SYN3: variants seen among roughly 807,000 people sequenced by gnomAD.
SYN3 encodes the protein synapsin III.
A neutral mutation model predicts 65.8 loss-of-function variants in SYN3; 35 were observed. That is an observed-to-expected ratio of 0.53 (90% CI 0.41 to 0.70). SYN3 has a LOEUF of 0.70. Ranked by LOEUF, SYN3 falls within the 30% of genes least tolerant of loss-of-function variation. SYN3 has a pLI of 0.00. For synonymous variants in SYN3, 270 were observed against 292.9 expected (o/e 0.92, Z 0.80); for missense variants, 680 against 749.0 (o/e 0.91, Z 1.08).
chr22:32,988,033 G>A (rs544061335), intron 2 of SYN3, among the ~76,000 whole-genome samples: 1 of 150,820 alleles, frequency 6.6e-6, no homozygotes, highest in South Asian at 2.1e-4. Context: ...CTGAGGCCGG[G>A]AACAGTGGCT....
At chr22:32,555,935 G>C (rs1056952200) in intron 7 of SYN3, among the ~76,000 whole-genome samples, 7 of 152,154 alleles carry the variant, frequency 4.6e-5, no homozygotes, top group Admixed American at 2.0e-4. Context: ...ACAGGATTAA[G>C]TACAAGTTCT....
chr22:32,617,390 T>C (rs964965025), intron 6 of SYN3, among the ~76,000 whole-genome samples: 2 of 151,796 alleles, frequency 1.3e-5, no homozygotes. Flanking sequence ...GTCCTGGAAC[T>C]GGGCAATGGG....
intron 4 of SYN3, among the ~76,000 whole-genome samples, chr22:32,886,443 C>T (rs1230283032): frequency 6.6e-6 from 1 of 152,138 alleles, no homozygotes; most frequent in African/African-American, 2.4e-5. Context: ...AGCTGTGCGA[C>T]TCTGGACACG....
intron 6 of SYN3, among the ~76,000 whole-genome samples, chr22:32,695,887 T>C (rs186262686): frequency 1.6e-4 from 24 of 152,332 alleles, no homozygotes; most frequent in Non-Finnish European, 2.8e-4. Context: ...TAGGGATCTT[T>C]TATCTTACTT....
At position 32,683,494 on chromosome 22, in the gene SYN3, A is replaced by G. The variant is rs1415896781; in HGVS notation, c.712-86758T>C. ...GGTGGTTTAAAAACAGCAGAAATGT[A>G]TTCTCGCAGTTCTGGAGGCTGGAAG... On this transcript the variant is annotated intron_variant, in intron 6 of 13. Transcript: ENST00000358763. Among the ~76,000 whole-genome samples the G allele has an allele frequency of 6.6e-5, 10 of 152,262 alleles. No homozygotes were observed. In the South Asian group the frequency reaches 1.5e-3, roughly 22 times the overall value.
At chr22:32,791,083 C>T (rs1433220632) in intron 6 of SYN3, among the ~76,000 whole-genome samples, 1 of 152,302 alleles carries the variant, frequency 6.6e-6, no homozygotes, top group Non-Finnish European at 1.5e-5. Flanking sequence ...CATTACTAAA[C>T]GTCTCTGTGC....
chr22:32,798,245 C>T (rs180995372), intron 6 of SYN3, among the ~76,000 whole-genome samples: 2 of 152,096 alleles, frequency 1.3e-5, no homozygotes, highest in Admixed American at 1.3e-4. Flanking sequence ...GTGGGCTGGG[C>T]ACTGTACAAA....
intron 6 of SYN3, among the ~76,000 whole-genome samples, chr22:32,734,345 A>AG (rs2061309473): frequency 6.6e-6 from 1 of 152,174 alleles, no homozygotes; most frequent in Non-Finnish European, 1.5e-5. Context: ...CTCCAGGTGC[A>AG]GGGGGGAGAG....
intron 7 of SYN3, among the ~76,000 whole-genome samples, chr22:32,554,533 C>G (rs1601622131): frequency 6.6e-6 from 1 of 152,174 alleles, no homozygotes; most frequent in Admixed American, 6.5e-5. Context: ...AATGCAAGCT[C>G]TCTGTCCTTA....
At chr22:32,981,461 T>G in intron 2 of SYN3, among the ~76,000 whole-genome samples, 1 of 151,736 alleles carries the variant, frequency 6.6e-6, no homozygotes, top group Non-Finnish European at 1.5e-5. Context: ...GGCACATGCA[T>G]GTAATCACAG....
chr22:32,865,921 A>C (rs1023655596), intron 5 of SYN3, among the ~76,000 whole-genome samples: 3 of 152,048 alleles, frequency 2.0e-5, no homozygotes, highest in African/African-American at 7.2e-5. Flanking sequence ...GACATAAGAG[A>C]AGGAGAAAGG....
chr22:32,653,358 C>T (rs528393410), intron 6 of SYN3, among the ~76,000 whole-genome samples: 1 of 152,052 alleles, frequency 6.6e-6, no homozygotes, highest in East Asian at 1.9e-4. Context: ...ATATCCCTAT[C>T]AGTTATTTTC....
chr22:32,559,225 A>G (rs918416090), intron 7 of SYN3, among the ~76,000 whole-genome samples: 1 of 152,336 alleles, frequency 6.6e-6, no homozygotes, highest in East Asian at 1.9e-4. Flanking sequence ...TAAAGCCCAG[A>G]CATTCATTCA....
intron 4 of SYN3, among the ~76,000 whole-genome samples, chr22:32,894,742 T>G (rs754540423): frequency 6.6e-6 from 1 of 152,200 alleles, no homozygotes; most frequent in Non-Finnish European, 1.5e-5. Flanking sequence ...TGGATGAGAT[T>G]TGCATTTGGA....
In SYN3 at chr22:32,513,607, A is replaced by G; in HGVS notation, c.*85T>C. On this transcript the variant is annotated 3_prime_UTR_variant, in exon 14 of 14. Transcript: ENST00000358763. ...TTCTCAGGCCCTCCATTCTGTTCCC[A>G]TCAGGAACCAAGGCTGAGAAGGAAG... The G allele has an allele frequency of 6.5e-7, 1 of 1,550,214 alleles. No individual in the cohort carries two copies. Among genetic ancestry groups the G allele is most frequent in the South Asian group, 1.2e-5 (1 of 83,414 alleles).
At chr22:32,726,684 C>T (rs897020963) in intron 6 of SYN3, among the ~76,000 whole-genome samples, 15 of 152,148 alleles carry the variant, frequency 9.9e-5, no homozygotes, top group African/African-American at 2.4e-4. Flanking sequence ...GAAGCTTGAA[C>T]GGGACAAAAT....
intron 3 of SYN3, among the ~76,000 whole-genome samples, chr22:32,935,419 ATTTTGACCTCTAAGGCTT>A (rs1450334355): frequency 2.1e-5 from 3 of 143,922 alleles, no homozygotes; most frequent in African/African-American, 7.7e-5. Flanking sequence ...ACCACAAATT[ATTTTGACCTCTAAGGCTT>A]TTGGTATGGT....
At chr22:33,042,225 T>C (rs1361956230) in intron 1 of SYN3, among the ~76,000 whole-genome samples, 5 of 152,152 alleles carry the variant, frequency 3.3e-5, no homozygotes, top group Admixed American at 6.5e-5. Context: ...TTGTTTAAGC[T>C]ACCCAGTCTG....
At chr22:32,802,596 C>A (rs183204970) in intron 6 of SYN3, among the ~76,000 whole-genome samples, 413 of 152,208 alleles carry the variant, frequency 2.7e-3, no homozygotes, top group Middle Eastern at 0.01. Context: ...TCATCTCCTG[C>A]GCCTATGAAA....
Sources: gnomAD v4.1 joint callset for allele counts (sites outside exome capture counted in the v4.1 genomes callset) on GRCh38, gnomAD v4.1.1 for gene constraint, MANE v1.5 for transcripts, NCBI Gene and HGNC (gene_info 2026-07-23, HGNC 2026-07-21) for gene names.